The following LRRC4C variants were observed in gnomAD, a reference collection of about 807,000 sequenced individuals.
LRRC4C encodes the protein leucine rich repeat containing 4C.
In LRRC4C, 5 loss-of-function variants were observed where a neutral mutation model predicts 33.6. The observed-to-expected ratio is 0.15, with a 90% CI of 0.08 to 0.31. The LOEUF (loss-of-function observed/expected upper bound fraction) is 0.31, where lower values mean the gene tolerates loss of function less well. Among genes scored for constraint, LRRC4C ranks in the 10% least tolerant of loss-of-function variants. The pLI is 1.00. For missense variants in LRRC4C, 560 were observed against 796.7 expected (o/e 0.70, Z 3.58); for synonymous variants, 329 against 302.0 (o/e 1.09, Z -0.93).
chr11:40,318,626 C>G (rs918117977), intron 4 of LRRC4C, among the ~76,000 whole-genome samples: 1 of 152,048 alleles, frequency 6.6e-6, no homozygotes, highest in Admixed American at 6.6e-5. Flanking sequence ...TCCATGTACA[C>G]GGGTTGTTTA....
chr11:41,099,377 A>AT (rs1565381874), intron 1 of LRRC4C, among the ~76,000 whole-genome samples: 2 of 150,716 alleles, frequency 1.3e-5, no homozygotes, highest in South Asian at 4.2e-4. Flanking sequence ...TGGCAGAGAC[A>AT]TAAAAAAAAA....
intron 3 of LRRC4C, among the ~76,000 whole-genome samples, chr11:40,419,631 C>G (rs1950451112): frequency 6.6e-6 from 1 of 152,060 alleles, no homozygotes; most frequent in Non-Finnish European, 1.5e-5. Context: ...ACCAGAAGAC[C>G]CGCTGTACAA....
intron 3 of LRRC4C, among the ~76,000 whole-genome samples, chr11:40,533,785 A>C (rs554176800): frequency 6.6e-6 from 1 of 152,268 alleles, no homozygotes; most frequent in South Asian, 2.1e-4. Flanking sequence ...GATTGGAAGA[A>C]GCATAAGTTG....
intron 3 of LRRC4C, among the ~76,000 whole-genome samples, chr11:40,427,746 C>T (rs974710838): frequency 3.3e-5 from 5 of 152,126 alleles, no homozygotes; most frequent in Non-Finnish European, 7.3e-5. Flanking sequence ...GGGAGGATCA[C>T]TTGAGTCTGG....
intron 5 of LRRC4C, among the ~76,000 whole-genome samples, chr11:40,232,907 C>A (rs1865304856): frequency 6.6e-6 from 1 of 152,182 alleles, no homozygotes; most frequent in Non-Finnish European, 1.5e-5. Context: ...ACATGAAGAT[C>A]TATCATATTA....
At chr11:41,079,427 T>C (rs925187396) in intron 1 of LRRC4C, among the ~76,000 whole-genome samples, 2 of 152,220 alleles carry the variant, frequency 1.3e-5, no homozygotes, top group African/African-American at 4.8e-5. Flanking sequence ...TATTTAATTG[T>C]AAATAGTGTT....
At chr11:40,672,650 G>A (rs1036908232) in intron 2 of LRRC4C, among the ~76,000 whole-genome samples, 2 of 152,036 alleles carry the variant, frequency 1.3e-5, no homozygotes, top group African/African-American at 2.4e-5. Flanking sequence ...TCAGATACAC[G>A]AACTTCCTTC....
chr11:41,396,299 G>T (rs1373450327), intron 1 of LRRC4C, among the ~76,000 whole-genome samples: 1 of 151,978 alleles, frequency 6.6e-6, no homozygotes, highest in Non-Finnish European at 1.5e-5. Context: ...TCAAAAATAG[G>T]CATTGCTCAG....
chr11:41,331,397 G>A (rs1229685517), intron 1 of LRRC4C, among the ~76,000 whole-genome samples: 2 of 152,046 alleles, frequency 1.3e-5, no homozygotes, highest in African/African-American at 2.4e-5. Flanking sequence ...ATCTGCCACC[G>A]ACAAAGAAAC....
chr11:40,516,743 A>G (rs1242364090), intron 3 of LRRC4C, among the ~76,000 whole-genome samples: 2 of 152,150 alleles, frequency 1.3e-5, no homozygotes, highest in African/African-American at 4.8e-5. Flanking sequence ...AATTACCTCT[A>G]AAATGAACCT....
chr11:41,456,386 T>A (rs1424619402), intron 1 of LRRC4C, among the ~76,000 whole-genome samples: 3 of 152,060 alleles, frequency 2.0e-5, no homozygotes, highest in East Asian at 1.9e-4. Context: ...CTTTTTTTTT[T>A]TAAAGGTTCT....
At chr11:40,540,975 A>G (rs1956684471) in intron 3 of LRRC4C, among the ~76,000 whole-genome samples, 2 of 152,042 alleles carry the variant, frequency 1.3e-5, no homozygotes, top group South Asian at 4.1e-4. Context: ...TGCTCCTGAT[A>G]TTTATACACT....
At chr11:40,322,702 A>C (rs1001920595) in intron 3 of LRRC4C, among the ~76,000 whole-genome samples, 14 of 152,116 alleles carry the variant, frequency 9.2e-5, no homozygotes, top group African/African-American at 3.4e-4. Flanking sequence ...TCATCTTTCT[A>C]TGGGTCACTA....
chr11:40,838,546 G>A (rs113343001), intron 2 of LRRC4C, among the ~76,000 whole-genome samples: 16 of 152,022 alleles, frequency 1.1e-4, no homozygotes, highest in African/African-American at 3.9e-4. Context: ...TACTTTCTGT[G>A]TACTTGCTAT....
At chr11:40,236,270 C>T (rs1179456922) in intron 5 of LRRC4C, among the ~76,000 whole-genome samples, 1 of 152,202 alleles carries the variant, frequency 6.6e-6, no homozygotes, top group Non-Finnish European at 1.5e-5. Context: ...GAAAAAGGAA[C>T]TCTCTAAAGA....
intron 2 of LRRC4C, among the ~76,000 whole-genome samples, chr11:40,723,002 T>C (rs1443113373): frequency 6.6e-6 from 1 of 152,082 alleles, no homozygotes. Flanking sequence ...GGGAAAGAAT[T>C]TTAGAGCTTA....
intron 2 of LRRC4C, among the ~76,000 whole-genome samples, chr11:40,893,111 A>C (rs1955792279): frequency 6.6e-6 from 1 of 152,078 alleles, no homozygotes; most frequent in African/African-American, 2.4e-5. Context: ...TGTTAAATGA[A>C]ATAAGCCACG....
At chr11:40,449,881 G>T (rs187870745) in intron 3 of LRRC4C, among the ~76,000 whole-genome samples, 1 of 152,168 alleles carries the variant, frequency 6.6e-6, no homozygotes, top group Non-Finnish European at 1.5e-5. Context: ...TATATTTTCA[G>T]GTAAGGGGAA....
chr11:40,368,819 C>A (rs558919123), intron 3 of LRRC4C, among the ~76,000 whole-genome samples: 3 of 152,238 alleles, frequency 2.0e-5, no homozygotes, highest in Admixed American at 6.5e-5. Context: ...GACCAGATTT[C>A]AAATGTGTTC....
Sources: allele counts gnomAD v4.1 joint callset (sites outside exome capture counted in the v4.1 genomes callset), GRCh38; gene constraint gnomAD v4.1.1; transcripts MANE v1.5; gene names NCBI Gene and HGNC (gene_info 2026-07-23, HGNC 2026-07-21).